NAA15: variants seen among roughly 807,000 people sequenced by gnomAD.
NAA15 encodes N-alpha-acetyltransferase 15, NatA auxiliary subunit.
NAA15 carries 34 observed loss-of-function variants against 114.0 expected under a neutral mutation model. The observed-to-expected ratio is 0.30, with a 90% CI of 0.23 to 0.40. The LOEUF is 0.40. Among genes scored for constraint, NAA15 ranks in the 10% least tolerant of loss-of-function variants. NAA15 has a pLI of 1.00. For missense variants in NAA15, 658 were observed against 1,004.5 expected, an observed-to-expected ratio of 0.66 and a Z score of 4.66; for synonymous variants, 340 against 338.0, an observed-to-expected ratio of 1.01 and a Z score of -0.06.
At chr4:139,377,367 T>A (rs1748619429) in intron 16 of NAA15, among the ~76,000 whole-genome samples, 1 of 151,952 alleles carries the variant, frequency 6.6e-6, no homozygotes, top group African/African-American at 2.4e-5. Flanking sequence ...AGAAACCCCG[T>A]CTCTACTAAA....
chr4:139,309,249 G>A (rs1346817668), intron 1 of NAA15, among the ~76,000 whole-genome samples: 1 of 151,656 alleles, frequency 6.6e-6, no homozygotes, highest in Admixed American at 6.6e-5. Context: ...TTGGGAGGCT[G>A]AGGCGGGAGA....
Position 139,377,248 on chromosome 4 carries a change from C to T in NAA15, c.2056+775C>T, listed in dbSNP as rs149072977. ...CTATATGAGTATCCATTTAAAAAGT[C>T]ATGTTTGGCCAGGCGCAGCGGCTCA... is the stretch of plus-strand genomic sequence containing the variant. On this transcript the variant is annotated intron_variant, in intron 16 of 19. Transcript: ENST00000296543. Among the ~76,000 whole-genome samples the T allele has an allele frequency of 3.9e-5, 6 of 152,126 alleles. No homozygotes were observed. The East Asian group carries it at 1.2e-3, about 29-fold the overall frequency.
At chr4:139,377,244 A>G (rs1429365215) in intron 16 of NAA15, among the ~76,000 whole-genome samples, 3 of 152,202 alleles carry the variant, frequency 2.0e-5, no homozygotes, top group African/African-American at 7.2e-5. Flanking sequence ...TCCATTTAAA[A>G]AGTCATGTTT....
At chr4:139,308,429 T>C (rs1746099803) in intron 1 of NAA15, among the ~76,000 whole-genome samples, 1 of 152,212 alleles carries the variant, frequency 6.6e-6, no homozygotes, top group Admixed American at 6.5e-5. Context: ...GATTAATTTC[T>C]TTGTGACAGA....
At chr4:139,321,491 A>G (rs77888347) in intron 1 of NAA15, among the ~76,000 whole-genome samples, 1 of 67,474 alleles carries the variant, frequency 1.5e-5, no homozygotes, top group Non-Finnish European at 2.9e-5. Context: ...TTTTTTTTTG[A>G]AACGGAGTCT....
chr4:139,383,314 A>C (rs1480083763), intron 17 of NAA15, among the ~76,000 whole-genome samples: 1 of 152,188 alleles, frequency 6.6e-6, no homozygotes, highest in Non-Finnish European at 1.5e-5. Flanking sequence ...TGACTTATCC[A>C]AGCCTGGATC....
At chr4:139,370,531 AT>A (rs990672256) in intron 15 of NAA15, 127 bp downstream of exon 15, 5 of 765,946 alleles carry the variant, frequency 6.5e-6, no homozygotes, top group Non-Finnish European at 7.4e-6. Flanking sequence ...AAATTATTTT[AT>A]TTTTTAGTAT....
intron 1 of NAA15, among the ~76,000 whole-genome samples, chr4:139,320,030 A>G (rs187907869): frequency 6.6e-6 from 1 of 152,160 alleles, no homozygotes; most frequent in African/African-American, 2.4e-5. Context: ...AGTGTTCACT[A>G]TTGCTTCCTT....
intron 1 of NAA15, among the ~76,000 whole-genome samples, chr4:139,315,524 A>G (rs1244385564): frequency 6.6e-6 from 1 of 151,858 alleles, no homozygotes; most frequent in Non-Finnish European, 1.5e-5. Flanking sequence ...TCTCAAGAAC[A>G]ACAATAACAA....
intron 1 of NAA15, among the ~76,000 whole-genome samples, chr4:139,321,364 G>C (rs1037301586): frequency 2.0e-5 from 3 of 151,200 alleles, no homozygotes; most frequent in Admixed American, 6.6e-5. Flanking sequence ...GGGTCTCACT[G>C]TGTTTCCCAT....
chr4:139,349,998 C>T (rs1465102201), intron 7 of NAA15, among the ~76,000 whole-genome samples: 2 of 150,636 alleles, frequency 1.3e-5, no homozygotes, highest in Non-Finnish European at 3.0e-5. Context: ...AAAAAAAAAT[C>T]TGAATACAAA....
Position 139,338,436 on chromosome 4 carries a change from G to T in NAA15, c.244+1484G>T, listed in dbSNP as rs560172237. Among the ~76,000 whole-genome samples the T allele has an allele frequency of 2.9e-3, 442 of 151,366 alleles. 2 individuals carry two copies. Among genetic ancestry groups the T allele is most frequent in the African/African-American group, 9.0e-3 (371 of 41,308 alleles). ...TGCATGCCATCCTAAACATTCTGGGGTTTTTTTTTGTTTGTTTGTGCTTTT... is the reference window on the plus strand; with the variant it reads ...TGCATGCCATCCTAAACATTCTGGGTTTTTTTTTTGTTTGTTTGTGCTTTT... On this transcript the variant is annotated intron_variant, in intron 3 of 19. Transcript: ENST00000296543.
intron 1 of NAA15, among the ~76,000 whole-genome samples, chr4:139,326,259 G>T (rs62323076): frequency 6.6e-6 from 1 of 152,042 alleles, no homozygotes; most frequent in African/African-American, 2.4e-5. Flanking sequence ...CTTAATAGCA[G>T]TGTGACCTTG....
chr4:139,377,718 C>T (rs1748629642), intron 16 of NAA15, among the ~76,000 whole-genome samples: 1 of 152,026 alleles, frequency 6.6e-6, no homozygotes, highest in South Asian at 2.1e-4. Flanking sequence ...CAGATTGTCT[C>T]GATAGATTTT....
At chr4:139,337,338 C>T (rs774051603) in intron 3 of NAA15, among the ~76,000 whole-genome samples, 19 of 152,194 alleles carry the variant, frequency 1.2e-4, no homozygotes, top group Admixed American at 5.9e-4. Context: ...AATATTAGAG[C>T]GGCATTATAA....
chr4:139,379,511 CA>C (rs1748682508), intron 17 of NAA15, among the ~76,000 whole-genome samples: 1 of 152,146 alleles, frequency 6.6e-6, no homozygotes, highest in Non-Finnish European at 1.5e-5. Flanking sequence ...CCCACATCTT[CA>C]TATTGTTCTT....
chr4:139,361,996 A>G, intron 14 of NAA15, 59 bp downstream of exon 14: 10 of 1,250,042 alleles, frequency 8.0e-6, no homozygotes, highest in Non-Finnish European at 1.0e-5. Flanking sequence ...TATGTGTATT[A>G]TGTTTTTCAT....
rs1365166026 is a variant in NAA15, at chr4:139,388,090, A to T, written c.*6A>T. On this transcript the variant is annotated 3_prime_UTR_variant, in exon 20 of 20. Coordinates refer to ENST00000296543, the MANE Select transcript of NAA15 (RefSeq NM_057175.5). Reference sequence around the variant, plus strand: ...AACTGGCCAATGAAATTTGAACATCACTAAACAAGCAAATGGAATGACTTT... The same window carrying T: ...AACTGGCCAATGAAATTTGAACATCTCTAAACAAGCAAATGGAATGACTTT... 3.1e-6 allele frequency: 5 copies of T among 1,612,410 alleles called. No homozygotes were observed. The highest frequency in any genetic ancestry group is 4.2e-6 in the Non-Finnish European group (5 of 1,178,850).
intron 1 of NAA15, among the ~76,000 whole-genome samples, chr4:139,310,226 G>A (rs921628785): frequency 4.6e-5 from 7 of 151,950 alleles, no homozygotes; most frequent in Admixed American, 1.3e-4. Flanking sequence ...AGGCCGAGGC[G>A]GGCGGATCAC....
Sources: allele counts gnomAD v4.1 joint callset (sites outside exome capture counted in the v4.1 genomes callset), GRCh38; gene constraint gnomAD v4.1.1; transcripts MANE v1.5; gene names NCBI Gene and HGNC (gene_info 2026-07-23, HGNC 2026-07-21).